The following ELK3 variants were observed in gnomAD, a reference collection of about 807,000 sequenced individuals.
ELK3 encodes ETS transcription factor ELK3, also known as ETS domain-containing protein Elk-3.
In ELK3, 10 loss-of-function variants were observed where a neutral mutation model predicts 28.9. That is an observed-to-expected ratio of 0.35 (90% CI 0.21 to 0.59). The LOEUF (loss-of-function observed/expected upper bound fraction) is 0.59, where lower values mean the gene tolerates loss of function less well. ELK3 is among the 20% of genes least tolerant of loss of function. The pLI is 0.82. For missense variants in ELK3, 463 were observed against 517.3 expected, an observed-to-expected ratio of 0.90 and a Z score of 1.02; for synonymous variants, 272 against 243.5, an observed-to-expected ratio of 1.12 and a Z score of -1.09.
intron 1 of ELK3, among the ~76,000 whole-genome samples, chr12:96,199,866 G>A (rs1951497680): frequency 6.6e-6 from 1 of 152,030 alleles, no homozygotes; most frequent in African/African-American, 2.4e-5. Flanking sequence ...TTTAGACAAT[G>A]TTATATTAGT....
In ELK3 at chr12:96,247,317, C is replaced by T. The variant is rs774397045; in HGVS notation, c.585C>T (p.Thr195=). 6 of 1,614,276 alleles carry T rather than the reference C, an allele frequency of 3.7e-6. No individual in the cohort carries two copies. The South Asian group carries it at 4.4e-5, about 12-fold the overall frequency. Reference sequence around the variant, plus strand: ...CCAATAAAACCGACAAGCACGTCACCAGGCCGGTGGTGTCCCTGCCTTCCA... The same window carrying T: ...CCAATAAAACCGACAAGCACGTCACTAGGCCGGTGGTGTCCCTGCCTTCCA... ...FVTNKTDKHV[T]RPVVSLPSTS... The change falls in exon 3 of 5, where the codon ACC becomes ACT. Residue 195 remains threonine (T), a synonymous_variant. Transcript: ENST00000228741. The surrounding 1 kb of genome is among the most constrained non-coding windows in gnomAD (Gnocchi z 5.5).
intron 3 of ELK3, among the ~76,000 whole-genome samples, chr12:96,253,904 C>T (rs1951926740): frequency 6.6e-6 from 1 of 152,212 alleles, no homozygotes; most frequent in African/African-American, 2.4e-5. Flanking sequence ...TTCCTGTTCT[C>T]ATGAGTTTAC....
intron 1 of ELK3, among the ~76,000 whole-genome samples, chr12:96,209,686 T>A (rs1313845273): frequency 2.6e-5 from 4 of 152,254 alleles, no homozygotes; most frequent in Non-Finnish European, 5.9e-5. Flanking sequence ...AAGAAAATAC[T>A]TCTGTCAAGG....
At chr12:96,227,064 T>G (rs928340015) in intron 2 of ELK3, among the ~76,000 whole-genome samples, 1 of 152,246 alleles carries the variant, frequency 6.6e-6, no homozygotes, top group Admixed American at 6.5e-5. Context: ...AATGGCAGTC[T>G]GAAGTGGCTC....
rs1335420813 is a variant in ELK3 at position 96,269,004 on chromosome 12, T to C, written c.*1824T>C. 6.7e-6 allele frequency: 1 copy of C among 150,364 alleles called. No individual in the cohort carries two copies. Among genetic ancestry groups the C allele is most frequent in the East Asian group, 2.0e-4 (1 of 5,070 alleles). The allele number at this position is 150,364 out of a possible 1,614,324, so 9.3% of individuals were successfully genotyped here. ...AGGAGCTGGTCCAGGGAACTGATAT[T>C]TACTGAACATACAAAGTTAGTGCTA... On this transcript the variant is annotated 3_prime_UTR_variant, in exon 5 of 5. Transcript: ENST00000228741.
At chr12:96,219,969 G>A (rs961752982) in intron 1 of ELK3, among the ~76,000 whole-genome samples, 6 of 152,154 alleles carry the variant, frequency 3.9e-5, no homozygotes, top group Non-Finnish European at 8.8e-5. Context: ...GGAGAGGCTG[G>A]AGCCCTTAGT....
chr12:96,267,981 C>CAAGA lies in ELK3; in HGVS notation c.*803_*806dup, dbSNP rs893119551. 1 of 152,308 alleles carries CAAGA rather than the reference C, an allele frequency of 6.6e-6. No individual in the cohort carries two copies. The highest frequency in any genetic ancestry group is 2.4e-5 in the African/African-American group (1 of 41,554). The allele number at this position is 152,308 out of a possible 1,614,324, so 9.4% of individuals were successfully genotyped here. A position where few individuals can be genotyped will look rare whatever the true frequency, so the allele number is the denominator to read the frequency against. Reference sequence around the variant, plus strand: ...CATCAAGTTCATGCTATTCCAGGCCCAAGAATATCTCCTAGGTTAGCATAT... The same window carrying CAAGA: ...CATCAAGTTCATGCTATTCCAGGCCCAAGAAAGAATATCTCCTAGGTTAGCATAT... On this transcript the variant is annotated 3_prime_UTR_variant, in exon 5 of 5. Transcript: ENST00000228741.
chr12:96,231,618 G>A (rs533671750), intron 2 of ELK3, among the ~76,000 whole-genome samples: 4 of 152,234 alleles, frequency 2.6e-5, no homozygotes, highest in South Asian at 2.1e-4. Flanking sequence ...TCAGCCTCCC[G>A]AGTAGCTGGG....
At chr12:96,245,090 C>T (rs192045998) in intron 2 of ELK3, among the ~76,000 whole-genome samples, 3 of 152,222 alleles carry the variant, frequency 2.0e-5, no homozygotes, top group African/African-American at 4.8e-5. Context: ...GGGCGTCGGC[C>T]TGTATGCTGG....
At chr12:96,196,365 G>A (rs1951467648) in intron 1 of ELK3, among the ~76,000 whole-genome samples, 1 of 151,944 alleles carries the variant, frequency 6.6e-6, no homozygotes, top group African/African-American at 2.4e-5. Context: ...GAGAGGTGGG[G>A]GGAGATAAGC....
intron 1 of ELK3, among the ~76,000 whole-genome samples, chr12:96,221,111 C>T (rs1951658497): frequency 6.6e-6 from 1 of 152,196 alleles, no homozygotes; most frequent in Admixed American, 6.5e-5. Flanking sequence ...GCCCCAATGT[C>T]AGCACTCCTC....
intron 2 of ELK3, among the ~76,000 whole-genome samples, chr12:96,243,587 C>T (rs533282696): frequency 2.4e-4 from 36 of 151,770 alleles, no homozygotes; most frequent in African/African-American, 7.7e-4. Context: ...TGGTGGCTCA[C>T]GCCTGTAATC....
chr12:96,267,213 T>A lies in ELK3; in HGVS notation c.*33T>A, dbSNP rs1255961698. 1.9e-6 allele frequency: 3 copies of A among 1,585,378 alleles called. No individual in the cohort carries two copies. The South Asian group carries it at 3.4e-5, about 18-fold the overall frequency. ...TGGCCACAATTAAGGACTCATTAAC[T>A]GATGAAACAAATTTGTCCCCACGGG... On this transcript the variant is annotated 3_prime_UTR_variant, in exon 5 of 5. Transcript: ENST00000228741.
At chr12:96,240,911 C>T (rs1951816580) in intron 2 of ELK3, among the ~76,000 whole-genome samples, 1 of 152,154 alleles carries the variant, frequency 6.6e-6, no homozygotes, top group South Asian at 2.1e-4. Context: ...ATTGGGGTGC[C>T]AGACCAGAGT....
At chr12:96,200,412 T>C (rs1239895310) in intron 1 of ELK3, among the ~76,000 whole-genome samples, 1 of 152,144 alleles carries the variant, frequency 6.6e-6, no homozygotes, top group East Asian at 1.9e-4. Context: ...GATTTACATA[T>C]ATTAAAATGC....
At chr12:96,262,185 A>C (rs1003881750) in intron 4 of ELK3, among the ~76,000 whole-genome samples, 2 of 151,944 alleles carry the variant, frequency 1.3e-5, no homozygotes, top group Admixed American at 6.6e-5. Flanking sequence ...CACACAGTTA[A>C]TTTTTGTATT....
chr12:96,252,485 G>C (rs566921670), intron 3 of ELK3, among the ~76,000 whole-genome samples: 2 of 152,050 alleles, frequency 1.3e-5, no homozygotes, highest in African/African-American at 2.4e-5. Context: ...CACCATCCTA[G>C]ATGCTATTAA....
intron 3 of ELK3, among the ~76,000 whole-genome samples, chr12:96,253,003 G>A (rs1283478711): frequency 2.0e-5 from 3 of 152,226 alleles, no homozygotes; most frequent in South Asian, 2.1e-4. Context: ...GCTCACGCCT[G>A]TAATCGCAGC....
chr12:96,230,521 C>T (rs6538703), intron 2 of ELK3, among the ~76,000 whole-genome samples: 126,472 of 152,112 alleles, frequency 0.83, 52,737 homozygotes, highest in East Asian at 1. Context: ...CAGGTATAAA[C>T]ACTAGACTCC....
Sources: allele counts gnomAD v4.1 joint callset (sites outside exome capture counted in the v4.1 genomes callset), GRCh38; gene constraint gnomAD v4.1.1; non-coding constraint Gnocchi (gnomAD v3.1); transcripts MANE v1.5; gene names NCBI Gene and HGNC (gene_info 2026-07-23, HGNC 2026-07-21).